Variants in DKK2 observed in about 807,000 individuals in gnomAD.
DKK2 encodes the protein dickkopf Wnt signaling pathway inhibitor 2, also known as dickkopf-related protein 2.
A neutral mutation model predicts 28.1 loss-of-function variants in DKK2; 11 were observed. That is an observed-to-expected ratio of 0.39 (90% CI 0.25 to 0.65). DKK2 has a LOEUF of 0.65. Ranked by LOEUF, DKK2 falls within the 30% of genes least tolerant of loss-of-function variation. DKK2 has a pLI of 0.47. For synonymous variants in DKK2, 135 were observed against 126.5 expected (o/e 1.07, Z -0.45); for missense variants, 326 against 335.5 (o/e 0.97, Z 0.22).
At chr4:106,994,584 T>C (rs770308614) in intron 1 of DKK2, among the ~76,000 whole-genome samples, 7 of 152,182 alleles carry the variant, frequency 4.6e-5, no homozygotes, top group Non-Finnish European at 1.0e-4. Context: ...AGATGTGTTA[T>C]GCTGAGTGAA....
chr4:106,933,417 T>TTGG (rs762332460), intron 1 of DKK2, among the ~76,000 whole-genome samples: 1 of 152,210 alleles, frequency 6.6e-6, no homozygotes, highest in Non-Finnish European at 1.5e-5. Flanking sequence ...GCCACTGTGC[T>TTGG]TGGTGGTGGT....
chr4:106,977,377 A>C (rs1185138109), intron 1 of DKK2, among the ~76,000 whole-genome samples: 1 of 152,224 alleles, frequency 6.6e-6, no homozygotes, highest in Non-Finnish European at 1.5e-5. Context: ...CAGGTACACC[A>C]ATCAAATGTA....
chr4:106,977,719 C>T (rs1020606222), intron 1 of DKK2, among the ~76,000 whole-genome samples: 1 of 152,154 alleles, frequency 6.6e-6, no homozygotes, highest in Non-Finnish European at 1.5e-5. Context: ...TATTACCCAC[C>T]TTCCGAAGCC....
chr4:107,012,604 A>G (rs1299201771), intron 1 of DKK2, among the ~76,000 whole-genome samples: 1 of 151,322 alleles, frequency 6.6e-6, no homozygotes, highest in African/African-American at 2.4e-5. Context: ...TCAAGTTAAT[A>G]TTCCAGAAGG....
intron 1 of DKK2, among the ~76,000 whole-genome samples, chr4:106,943,757 G>C (rs780134233): frequency 1.1e-4 from 17 of 151,908 alleles, no homozygotes; most frequent in Non-Finnish European, 2.2e-4. Context: ...TGAAAATTAG[G>C]CTCTTTCATT....
At chr4:106,958,730 A>G (rs1257281618) in intron 1 of DKK2, among the ~76,000 whole-genome samples, 2 of 151,470 alleles carry the variant, frequency 1.3e-5, no homozygotes, top group Non-Finnish European at 2.9e-5. Context: ...TTAGCTACTC[A>G]GGAGGCTGAG....
intron 1 of DKK2, among the ~76,000 whole-genome samples, chr4:106,999,871 G>A (rs1037755622): frequency 3.3e-5 from 5 of 152,050 alleles, no homozygotes; most frequent in Admixed American, 1.3e-4. Flanking sequence ...AATTTGTCAA[G>A]GTTTCAATTC....
intron 1 of DKK2, among the ~76,000 whole-genome samples, chr4:107,027,108 T>C (rs1483639797): frequency 6.6e-6 from 1 of 152,016 alleles, no homozygotes; most frequent in East Asian, 1.9e-4. Context: ...GACTAGACAA[T>C]AGGCTGCTGA....
intron 1 of DKK2, among the ~76,000 whole-genome samples, chr4:106,926,686 T>C (rs1414297904): frequency 6.6e-6 from 1 of 152,122 alleles, no homozygotes. Context: ...TACTACGCCT[T>C]CTATTGTAAA....
chr4:107,013,794 G>C (rs1723548362), intron 1 of DKK2, among the ~76,000 whole-genome samples: 1 of 151,512 alleles, frequency 6.6e-6, no homozygotes, highest in Non-Finnish European at 1.5e-5. Flanking sequence ...CTATGCATCT[G>C]ACAGGGGGTT....
chr4:106,952,282 G>A (rs1362054646), intron 1 of DKK2, among the ~76,000 whole-genome samples: 2 of 152,084 alleles, frequency 1.3e-5, no homozygotes, highest in African/African-American at 4.8e-5. Context: ...GCTGTTTTAA[G>A]TCCAGAAGTT....
At chr4:107,020,173 C>T (rs1289832511) in intron 1 of DKK2, among the ~76,000 whole-genome samples, 1 of 152,026 alleles carries the variant, frequency 6.6e-6, no homozygotes, top group Non-Finnish European at 1.5e-5. Flanking sequence ...ATTCACAGTA[C>T]ACACTTCAAT....
intron 1 of DKK2, among the ~76,000 whole-genome samples, chr4:106,939,587 T>C (rs572330250): frequency 6.6e-6 from 1 of 152,284 alleles, no homozygotes; most frequent in Non-Finnish European, 1.5e-5. Context: ...ATGACTTTCT[T>C]CACAGAATTG....
At chr4:107,002,761 T>G (rs1242072812) in intron 1 of DKK2, among the ~76,000 whole-genome samples, 1 of 152,214 alleles carries the variant, frequency 6.6e-6, no homozygotes, top group Non-Finnish European at 1.5e-5. Context: ...TTACAGTAAT[T>G]AAAAGTTCAC....
chr4:106,969,093 T>G (rs1722824349), intron 1 of DKK2, among the ~76,000 whole-genome samples: 1 of 151,958 alleles, frequency 6.6e-6, no homozygotes, highest in Admixed American at 6.6e-5. Flanking sequence ...AAGAATGAAG[T>G]TGATTTATGC....
chr4:107,006,935 T>A (rs886545067), intron 1 of DKK2, among the ~76,000 whole-genome samples: 3 of 152,128 alleles, frequency 2.0e-5, no homozygotes, highest in African/African-American at 4.8e-5. Flanking sequence ...AAAATAAGTA[T>A]TGTTAACACA....
intron 1 of DKK2, among the ~76,000 whole-genome samples, chr4:107,014,067 A>T (rs963705398): frequency 8.6e-5 from 13 of 151,548 alleles, no homozygotes; most frequent in Non-Finnish European, 1.9e-4. Context: ...CCATTATAAC[A>T]AACAGTATGG....
intron 1 of DKK2, among the ~76,000 whole-genome samples, chr4:107,030,455 G>A (rs1278272360): frequency 2.6e-5 from 4 of 151,910 alleles, no homozygotes; most frequent in African/African-American, 9.7e-5. Flanking sequence ...TTTGGTTTAT[G>A]CTTTTGGACT....
At chr4:107,033,926 G>A (rs1723918508) in intron 1 of DKK2, among the ~76,000 whole-genome samples, 3 of 152,206 alleles carry the variant, frequency 2.0e-5, no homozygotes, top group Admixed American at 2.0e-4. Flanking sequence ...GCACGTGTGT[G>A]AGGATGTGCA....
Sources: gnomAD v4.1 joint callset for allele counts (sites outside exome capture counted in the v4.1 genomes callset) on GRCh38, gnomAD v4.1.1 for gene constraint, MANE v1.5 for transcripts, NCBI Gene and HGNC (gene_info 2026-07-23, HGNC 2026-07-21) for gene names.